The following SYNE3 variants were observed in gnomAD, a reference collection of about 807,000 sequenced individuals.
SYNE3 encodes spectrin repeat containing nuclear envelope family member 3.
In SYNE3, 100 loss-of-function variants were observed where a neutral mutation model predicts 111.2. The observed-to-expected ratio is 0.90, with a 90% confidence interval of 0.77 to 1.06. The LOEUF (loss-of-function observed/expected upper bound fraction) is 1.06. Ranked by LOEUF, SYNE3 falls within the 50% of genes least tolerant of loss-of-function variation. The probability of loss-of-function intolerance (pLI) is 0.00; values close to 1 mark genes in which losing one functional copy is unlikely to be tolerated. For synonymous variants in SYNE3, 547 were observed against 533.9 expected (o/e 1.02, Z -0.34); for missense variants, 1,160 against 1,240.3 (o/e 0.94, Z 0.97).
At chr14:95,441,073 T>C (rs923969056) in intron 11 of SYNE3, among the ~76,000 whole-genome samples, 10 of 152,158 alleles carry the variant, frequency 6.6e-5, no homozygotes, top group Non-Finnish European at 1.5e-4. Context: ...TTTCTTTACA[T>C]AGCCTGCCAT....
At chr14:95,420,039 A>G (rs997339052) in intron 17 of SYNE3, among the ~76,000 whole-genome samples, 8 of 145,166 alleles carry the variant, frequency 5.5e-5, no homozygotes, top group African/African-American at 2.0e-4. Context: ...CCCTGCTCCA[A>G]GTATCCCCTC....
intron 1 of SYNE3, among the ~76,000 whole-genome samples, chr14:95,513,432 T>C (rs553037288): frequency 6.6e-6 from 1 of 152,202 alleles, no homozygotes; most frequent in African/African-American, 2.4e-5. Context: ...AGAGGGTTAG[T>C]AATAATAAAA....
intron 2 of SYNE3, among the ~76,000 whole-genome samples, chr14:95,474,819 C>T (rs1441878630): frequency 6.6e-6 from 1 of 152,216 alleles, no homozygotes; most frequent in Non-Finnish European, 1.5e-5. Context: ...TCCAGCCTGG[C>T]TGGGTGACTG....
Position 95,510,843 on chromosome 14 carries a change from C to A in SYNE3, c.-15+5753G>T, listed in dbSNP as rs191491333. Among the ~76,000 whole-genome samples, 65 of 152,288 alleles carry A rather than the reference C, an allele frequency of 4.3e-4. 1 individual carries two copies. Among genetic ancestry groups the A allele is most frequent in the Middle Eastern group, 6.8e-3 (2 of 294 alleles). ...ATGGATTCTCCCAACTCCCGATGCA[C>A]CACTGCCCATGCCACAAAGGCAGTG... On this transcript the variant is annotated intron_variant, in intron 1 of 17. Coordinates refer to ENST00000682763, the MANE Select transcript of SYNE3 (RefSeq NM_152592.6).
At chr14:95,441,750 A>G (rs999135941) in intron 11 of SYNE3, among the ~76,000 whole-genome samples, 6 of 152,186 alleles carry the variant, frequency 3.9e-5, no homozygotes, top group Admixed American at 1.3e-4. Context: ...AGTTTATTGA[A>G]TGTAATTAAA....
rs144115176 is a variant in SYNE3, at chr14:95,492,697, G to A, written c.-14-16862C>T. Among the ~76,000 whole-genome samples, 146 of 152,294 alleles carry A rather than the reference G, an allele frequency of 9.6e-4. 1 individual carries two copies. The highest frequency in any genetic ancestry group is 3.4e-3 in the African/African-American group (140 of 41,552). On this transcript the variant is annotated intron_variant, in intron 1 of 17. Transcript: ENST00000682763. ...ATATTCTAAAAATGATTGTGGTGAC[G>A]GCTGTACAGCTCTGTGAATATACTA...
At chr14:95,457,155 T>C (rs1887503081) in intron 5 of SYNE3, 22 bp downstream of exon 5, 1 of 1,609,840 alleles carries the variant, frequency 6.2e-7, no homozygotes, top group African/African-American at 1.3e-5. Context: ...GTCCCTCTGG[T>C]TGAGACACAG....
Position 95,412,390 on chromosome 14 carries a change from G to A in SYNE3, c.*5436C>T, listed in dbSNP as rs151047520. On this transcript the variant is annotated 3_prime_UTR_variant, in exon 18 of 18. Coordinates refer to ENST00000682763, the MANE Select transcript of SYNE3 (RefSeq NM_152592.6). Reference sequence around the variant, plus strand: ...TTCAATGGCACAAACCCTTTTCTTCGTCTGCAAGCTCCCTGAGGGCAGGGA... The same window carrying A: ...TTCAATGGCACAAACCCTTTTCTTCATCTGCAAGCTCCCTGAGGGCAGGGA... 2,133 of 152,384 alleles carry A rather than the reference G, an allele frequency of 0.014. 30 individuals carry two copies. Among genetic ancestry groups the A allele is most frequent in the South Asian group, 0.022 (106 of 4,830 alleles). 9.4% of individuals were successfully genotyped at this position (152,384 alleles called of 1,614,324 possible). A position where few individuals can be genotyped will look rare whatever the true frequency, so the allele number is the denominator to read the frequency against.
chr14:95,462,634 G>T (rs570643931), intron 4 of SYNE3, among the ~76,000 whole-genome samples: 1 of 152,336 alleles, frequency 6.6e-6, no homozygotes, highest in South Asian at 2.1e-4. Flanking sequence ...CCTCTTGAGA[G>T]CCCTGGATGC....
At chr14:95,437,435 G>A (rs956308380) in intron 14 of SYNE3, among the ~76,000 whole-genome samples, 2 of 152,224 alleles carry the variant, frequency 1.3e-5, no homozygotes, top group Non-Finnish European at 2.9e-5. Flanking sequence ...GCCTGCAGAT[G>A]TGTCTTGGCC....
chr14:95,510,554 C>T (rs546786338), intron 1 of SYNE3, among the ~76,000 whole-genome samples: 53 of 152,250 alleles, frequency 3.5e-4, no homozygotes, highest in African/African-American at 1.2e-3. Flanking sequence ...TAATCCTAGC[C>T]GAGGCCGGTG....
In SYNE3 at chr14:95,510,129, T is replaced by C. The variant is rs185084120; in HGVS notation, c.-15+6467A>G. Among the ~76,000 whole-genome samples, 53 of 152,324 alleles carry C rather than the reference T, an allele frequency of 3.5e-4. No individual in the cohort carries two copies. In the East Asian group the frequency reaches 9.3e-3, roughly 27 times the overall value. On this transcript the variant is annotated intron_variant, in intron 1 of 17. Coordinates refer to ENST00000682763, the MANE Select transcript of SYNE3 (RefSeq NM_152592.6). ...CTGGGCATGTACATGAGCGTTTGTT[T>C]CCTAGTCTCTGAAAGCTGCCTTACC...
At chr14:95,468,012 G>T (rs1260669197) in intron 2 of SYNE3, 45 bp from the exon 3 acceptor site, 2 of 1,580,768 alleles carry the variant, frequency 1.3e-6, no homozygotes, top group East Asian at 4.5e-5. Flanking sequence ...GCAAAAGGCA[G>T]ACAGGCACAA....
rs991717944 is a variant in SYNE3, at chr14:95,417,755, C to A, written c.*71G>T. 2.0e-6 allele frequency: 3 copies of A among 1,530,974 alleles called. No individual in the cohort carries two copies. Among genetic ancestry groups the A allele is most frequent in the Non-Finnish European group, 2.7e-6 (3 of 1,105,208 alleles). The allele number at this position is 1,530,974 out of a possible 1,614,324, so 94.8% of individuals were successfully genotyped here. A position where few individuals can be genotyped will look rare whatever the true frequency, so the allele number is the denominator to read the frequency against. On this transcript the variant is annotated 3_prime_UTR_variant, in exon 18 of 18. Coordinates refer to ENST00000682763, the MANE Select transcript of SYNE3 (RefSeq NM_152592.6). Reference sequence around the variant, plus strand: ...CTGCCCCTGTTTCCAGTTTCCCTGGCGAGCATCCTCAGGAGGGGCCCTGGG... The same window carrying A: ...CTGCCCCTGTTTCCAGTTTCCCTGGAGAGCATCCTCAGGAGGGGCCCTGGG...
At position 95,516,585 on chromosome 14, in the gene SYNE3, G is replaced by C. The variant is rs1291058482; in HGVS notation, c.-15+11C>G. On this transcript the variant is annotated intron_variant, in intron 1 of 17. Transcript: ENST00000682763. ...GCCCCAGGCCTGGCCTCCCGGCCCC[G>C]TGCCACTTACCCTCCCGGAGCGTGG... Among the ~76,000 whole-genome samples, 6 of 105,936 alleles carry C rather than the reference G, an allele frequency of 5.7e-5. No homozygotes were observed. The highest frequency in any genetic ancestry group is 1.9e-4 in the African/African-American group (6 of 31,874). The allele number at this position is 105,936 out of a possible 152,430, so 69.5% of individuals were successfully genotyped here. A position where few individuals can be genotyped will look rare whatever the true frequency, so the allele number is the denominator to read the frequency against.
rs1354275623 is a variant in SYNE3 at position 95,467,960 on chromosome 14, C to T, written c.152G>A (p.Cys51Tyr). The T allele has an allele frequency of 3.7e-6, 6 of 1,610,444 alleles. No individual in the cohort carries two copies. The highest frequency in any genetic ancestry group is 1.7e-5 in the Admixed American group (1 of 59,690). The change falls in exon 3 of 18, where the codon TGC (cysteine) becomes TAC (tyrosine). Residue 51 changes from cysteine to tyrosine, a missense_variant. By Grantham distance (194) the Cys-to-Tyr change is radical. Transcript: ENST00000682763. ...CACACGCCCCTCGGGCTCCAGCTGG[C>T]ATATTTTCTGTTGTGGACACACAAG... Reference protein sequence around the residue: ...EARLWETEKICQLEPEGRVRV... With the variant: ...EARLWETEKIYQLEPEGRVRV...
intron 17 of SYNE3, among the ~76,000 whole-genome samples, chr14:95,427,120 G>GGACATAGTGAGAAGTGACCAGAA (rs1885476853): frequency 6.6e-6 from 1 of 152,030 alleles, no homozygotes. Context: ...GGAGCTGAGG[G>GGACATAGTGAGAAGTGACCAGAA]GACATAGTGA....
chr14:95,463,832 A>C (rs1267609397), intron 4 of SYNE3, among the ~76,000 whole-genome samples: 4 of 152,234 alleles, frequency 2.6e-5, no homozygotes, highest in Admixed American at 2.6e-4. Context: ...AGTTCTGAGC[A>C]CCTGCTGCAT....
In SYNE3 at chr14:95,416,502, C is replaced by A. The variant is rs1903585344; in HGVS notation, c.*1324G>T. ...ATCCAGTTGTAGAGCACTTAGGAAC[C>A]ATCCCAGAGTTCCCTGGCAAGGAAG... is the stretch of plus-strand genomic sequence containing the variant. On this transcript the variant is annotated 3_prime_UTR_variant, in exon 18 of 18. Transcript: ENST00000682763. 6.6e-6 allele frequency: 1 copy of A among 152,204 alleles called. No individual in the cohort carries two copies. Among genetic ancestry groups the A allele is most frequent in the Non-Finnish European group, 1.5e-5 (1 of 68,046 alleles). 9.4% of individuals were successfully genotyped at this position (152,204 alleles called of 1,614,324 possible).
Sources: allele counts gnomAD v4.1 joint callset (sites outside exome capture counted in the v4.1 genomes callset), GRCh38; gene constraint gnomAD v4.1.1; transcripts MANE v1.5; gene names NCBI Gene and HGNC (gene_info 2026-07-23, HGNC 2026-07-21).